CYP4F8: variants seen among roughly 807,000 people sequenced by gnomAD.
The protein encoded by CYP4F8 is cytochrome P450 family 4 subfamily F member 8, also known as cytochrome P450 4F8.
In CYP4F8, 56 loss-of-function variants were observed where a neutral mutation model predicts 55.0. That is an observed-to-expected ratio of 1.02 (90% CI 0.82 to 1.27). The LOEUF is 1.27. Ranked by LOEUF, CYP4F8 falls within the 50% of genes most tolerant of loss-of-function variation. The probability of loss-of-function intolerance (pLI) is 0.00; values close to 1 mark genes in which losing one functional copy is unlikely to be tolerated. For synonymous variants in CYP4F8, 288 were observed against 267.3 expected (o/e 1.08, Z -0.76); for missense variants, 680 against 682.4 (o/e 1.00, Z 0.04).
intron 5 of CYP4F8, 44 bp from the exon 6 acceptor site, chr19:15,622,175 A>AG (rs1379835718): frequency 1.3e-6 from 2 of 1,584,288 alleles, no homozygotes; most frequent in African/African-American, 2.7e-5. Context: ...GGGGACTCAG[A>AG]GGAGCCAAGG....
At chr19:15,626,630 T>TATCTATCTATCTATCTATCTATCTATC (rs1555738323) in intron 9 of CYP4F8, among the ~76,000 whole-genome samples, 15 of 109,032 alleles carry the variant, frequency 1.4e-4, no homozygotes, top group African/African-American at 5.0e-4. Context: ...TCTATCTATC[T>TATCTATCTATCTATCTATCTATCTATC]ATCTATCTAT....
intron 3 of CYP4F8, 107 bp from the exon 4 acceptor site, chr19:15,619,382 TG>T: frequency 7.4e-7 from 1 of 1,356,952 alleles, no homozygotes; most frequent in Non-Finnish European, 1.0e-6. Context: ...CCTGCTATGC[TG>T]GGCTTGGAGA....
At position 15,628,605 on chromosome 19, in the gene CYP4F8, C is replaced by G; in HGVS notation, c.1314+10C>G. The stretch of plus-strand genomic sequence containing the variant: ...CTGGCCAGACCCTGAGGTGCTGCCC[C>G]TCCCTGTTTCTCCATCCCCCGGGCC... On this transcript the variant is annotated intron_variant, in intron 11 of 12. Coordinates refer to ENST00000612078, the MANE Select transcript of CYP4F8 (RefSeq NM_007253.4). The G allele has an allele frequency of 3.7e-6, 6 of 1,612,886 alleles. No homozygotes were observed. Among genetic ancestry groups the G allele is most frequent in the Non-Finnish European group, 5.1e-6 (6 of 1,179,342 alleles).
chr19:15,623,507 C>T lies in CYP4F8; in HGVS notation c.918+132C>T, dbSNP rs372573989. 2.8e-6 allele frequency: 4 copies of T among 1,454,128 alleles called. No homozygotes were observed. The South Asian group carries it at 4.1e-5, about 15-fold the overall frequency. The allele number at this position is 1,454,128 out of a possible 1,614,324, so 90.1% of individuals were successfully genotyped here. The stretch of plus-strand genomic sequence containing the variant: ...GTGCTCGAAGAAGGGAGGGACAAGT[C>T]AGATAAATTTTAGAGGTGATTGCAT... On this transcript the variant is annotated intron_variant, in intron 7 of 12. Transcript: ENST00000612078.
At chr19:15,623,907 T>G in intron 8 of CYP4F8, 58 bp from the exon 9 acceptor site, 1 of 1,603,928 alleles carries the variant, frequency 6.2e-7, no homozygotes, top group Non-Finnish European at 8.5e-7. Flanking sequence ...ATGGGCGCTG[T>G]CCACCCTCTG....
rs538333797 is a variant in CYP4F8, at chr19:15,619,680, G to C, written c.443G>C (p.Arg148Pro). Reference sequence around the variant, plus strand: ...GTTGGTGACAAGTGGAGACACCACCGTCGCTTGCTGACGCCTGCCTTCCAT... The same window carrying C: ...GTTGGTGACAAGTGGAGACACCACCCTCGCTTGCTGACGCCTGCCTTCCAT... ...LSVGDKWRHH[R>P]RLLTPAFHFN... The change falls in exon 5 of 13, where the codon CGT becomes CCT. Residue 148 changes from arginine (R) to proline (P), a missense_variant. Arg to Pro is a moderately radical substitution (Grantham distance 103). Coordinates refer to ENST00000612078, the MANE Select transcript of CYP4F8 (RefSeq NM_007253.4). 1.2e-6 allele frequency: 2 copies of C among 1,614,196 alleles called. No homozygotes were observed. The highest frequency in any genetic ancestry group is 1.3e-5 in the African/African-American group (1 of 75,056).
chr19:15,623,603 G>A, intron 7 of CYP4F8, 96 bp from the exon 8 acceptor site: 2 of 1,429,100 alleles, frequency 1.4e-6, no homozygotes, highest in Non-Finnish European at 1.9e-6. Context: ...GAGGTGACAA[G>A]GGAGGGATCC....
At chr19:15,618,324 C>G in intron 3 of CYP4F8, 180 bp downstream of exon 3, 1 of 973,822 alleles carries the variant, frequency 1.0e-6, no homozygotes, top group Non-Finnish European at 1.6e-6. Flanking sequence ...TCTTTTCTCT[C>G]TGCTGCCATC....
chr19:15,618,009 A>C lies in CYP4F8; in HGVS notation c.208A>C (p.Thr70Pro). The C allele has an allele frequency of 6.2e-7, 1 of 1,613,870 alleles. No homozygotes were observed. Among genetic ancestry groups the C allele is most frequent in the South Asian group, 1.1e-5 (1 of 91,064 alleles). The change falls in exon 3 of 13, where the codon ACA becomes CCA. Residue 70 changes from threonine to proline, a missense_variant. Thr to Pro is a conservative substitution (Grantham distance 38). Transcript: ENST00000612078. ...FLGHLGLVTP[T>P]EEGLRVLTQL... is the part of the protein sequence containing the mutation. ...CTTGCCTTGCTTGCAGGTCACTCCC[A>C]CAGAGGAGGGCTTGAGGGTCCTGAC... is the stretch of plus-strand genomic sequence containing the variant.
chr19:15,615,909 A>AC, intron 2 of CYP4F8, 95 bp downstream of exon 2: 1 of 518,562 alleles, frequency 1.9e-6, no homozygotes, highest in Admixed American at 5.8e-5. Flanking sequence ...GACGGCAGAG[A>AC]AACTCACTCA....
Position 15,628,856 on chromosome 19 carries a change from G to C in CYP4F8, c.1397+13G>C. ...CGGCGGGGCCCAGGTGAGGCCAGGG[G>C]GTGTCTGAGGTGGGCATGGGCTGAG... On this transcript the variant is annotated intron_variant, in intron 12 of 12. Transcript: ENST00000612078. The C allele has an allele frequency of 1.3e-6, 2 of 1,578,420 alleles. No homozygotes were observed. The highest frequency in any genetic ancestry group is 1.7e-6 in the Non-Finnish European group (2 of 1,164,060).
chr19:15,629,057 G>A, intron 12 of CYP4F8, 136 bp from the exon 13 acceptor site: 1 of 1,341,718 alleles, frequency 7.5e-7, no homozygotes, highest in Non-Finnish European at 1.0e-6. Flanking sequence ...GCCCACATGG[G>A]GGTCCCAGAC....
At chr19:15,619,797 C>A (rs375811799) in intron 5 of CYP4F8, 35 bp downstream of exon 5, 1 of 1,608,852 alleles carries the variant, frequency 6.2e-7, no homozygotes, top group Non-Finnish European at 8.5e-7. Flanking sequence ...CAGCTGCAGC[C>A]TTGGGGTGGA....
intron 3 of CYP4F8, chr19:15,618,909 A>T (rs1972157744): frequency 5.9e-6 from 1 of 170,628 alleles, no homozygotes; most frequent in Non-Finnish European, 1.3e-5. Flanking sequence ...CCATCTTTGG[A>T]CAGGCCAGGG....
intron 6 of CYP4F8, 112 bp downstream of exon 6, chr19:15,622,452 G>C: frequency 1.4e-6 from 2 of 1,419,352 alleles, no homozygotes; most frequent in South Asian, 2.6e-5. Flanking sequence ...ATGAGAACTA[G>C]GCATTGAAGG....
At chr19:15,616,417 T>G (rs1216103191) in intron 2 of CYP4F8, among the ~76,000 whole-genome samples, 1 of 152,202 alleles carries the variant, frequency 6.6e-6, no homozygotes, top group Admixed American at 6.5e-5. Flanking sequence ...CTGTTTTCAG[T>G]ACACTAGTGA....
At position 15,621,920 on chromosome 19, in the gene CYP4F8, C is replaced by G. The variant is rs570932907; in HGVS notation, c.526-299C>G. ...CTAGCCTGGCTCCCTGGCATCAAAGCAGGTCATCTTGATTGCTATTGAGGA... is the reference window on the plus strand; with the variant it reads ...CTAGCCTGGCTCCCTGGCATCAAAGGAGGTCATCTTGATTGCTATTGAGGA... On this transcript the variant is annotated intron_variant, in intron 5 of 12. Coordinates refer to ENST00000612078, the MANE Select transcript of CYP4F8 (RefSeq NM_007253.4). The G allele has an allele frequency of 3.2e-5, 8 of 247,516 alleles. No homozygotes were observed. The East Asian group carries it at 7.2e-4, about 22-fold the overall frequency. The allele number at this position is 247,516 out of a possible 1,614,324, so 15.3% of individuals were successfully genotyped here.
chr19:15,618,272 C>T (rs773044684), intron 3 of CYP4F8, 128 bp downstream of exon 3: 2 of 1,411,964 alleles, frequency 1.4e-6, no homozygotes, highest in African/African-American at 2.8e-5. Flanking sequence ...TCTCAGCCAC[C>T]TTCCTCTTTC....
In CYP4F8 at chr19:15,628,796, C is replaced by G. The variant is rs752973867; in HGVS notation, c.1350C>G (p.Ala450=). 2.5e-6 allele frequency: 4 copies of G among 1,610,916 alleles called. No homozygotes were observed. The highest frequency in any genetic ancestry group is 3.4e-6 in the Non-Finnish European group (4 of 1,178,818). Residue 450 remains alanine (A), a synonymous_variant, in exon 12 of 13, where the codon GCC becomes GCG. Transcript: ENST00000612078. ...CCTTCCGCTTCGACCCAGAAAACGCCCAGAAGAGGTCACCTATGGCTTTTA... is the reference window on the plus strand; with the variant it reads ...CCTTCCGCTTCGACCCAGAAAACGCGCAGAAGAGGTCACCTATGGCTTTTA... The part of the protein sequence containing the change: ...YDPFRFDPEN[A]QKRSPMAFIP...
Sources: gnomAD v4.1 joint callset for allele counts (sites outside exome capture counted in the v4.1 genomes callset) on GRCh38, gnomAD v4.1.1 for gene constraint, MANE v1.5 for transcripts, NCBI Gene and HGNC (gene_info 2026-07-23, HGNC 2026-07-21) for gene names.